Variants in LDB2 observed in about 807,000 individuals in gnomAD.
LDB2 encodes the protein LIM domain-binding protein 2.
A neutral mutation model predicts 44.3 loss-of-function variants in LDB2; 12 were observed. That is an observed-to-expected ratio of 0.27 (90% CI 0.17 to 0.44). LDB2 has a LOEUF of 0.44. Among genes scored for constraint, LDB2 ranks in the 20% least tolerant of loss-of-function variants. The pLI is 1.00. For missense variants in LDB2, 344 were observed against 473.5 expected, an observed-to-expected ratio of 0.73 and a Z score of 2.54; for synonymous variants, 164 against 174.8, an observed-to-expected ratio of 0.94 and a Z score of 0.49.
At chr4:16,847,501 C>G (rs751933847) in intron 1 of LDB2, among the ~76,000 whole-genome samples, 39 of 152,278 alleles carry the variant, frequency 2.6e-4, no homozygotes, top group Non-Finnish European at 4.7e-4. Flanking sequence ...TAAAAAATAA[C>G]AATCGTTAGA....
intron 2 of LDB2, among the ~76,000 whole-genome samples, chr4:16,651,722 A>G (rs1367850879): frequency 3.3e-5 from 5 of 152,072 alleles, no homozygotes; most frequent in African/African-American, 1.2e-4. Flanking sequence ...TTTCCTTCCC[A>G]TGACTAGGTC....
chr4:16,592,086 A>T (rs993638294), intron 3 of LDB2, among the ~76,000 whole-genome samples: 1 of 152,140 alleles, frequency 6.6e-6, no homozygotes, highest in African/African-American at 2.4e-5. Context: ...CCCAGTACAG[A>T]TGGTCTCCGG....
intron 5 of LDB2, among the ~76,000 whole-genome samples, chr4:16,580,559 T>G (rs1424492111): frequency 6.6e-6 from 1 of 152,194 alleles, no homozygotes; most frequent in African/African-American, 2.4e-5. Flanking sequence ...CTCCATCCTT[T>G]TTGTGACTAA....
chr4:16,625,117 G>C (rs1489179615), intron 2 of LDB2, among the ~76,000 whole-genome samples: 2 of 152,148 alleles, frequency 1.3e-5, no homozygotes, highest in East Asian at 3.9e-4. Flanking sequence ...CTAGTCCCCT[G>C]CATCCTCATG....
intron 6 of LDB2, among the ~76,000 whole-genome samples, chr4:16,509,424 G>GAAAC (rs1720836087): frequency 6.6e-6 from 1 of 152,136 alleles, no homozygotes; most frequent in Non-Finnish European, 1.5e-5. Context: ...GGCCTATTCA[G>GAAAC]AAACAGAGAA....
At chr4:16,609,007 A>G (rs1724798712) in intron 2 of LDB2, among the ~76,000 whole-genome samples, 1 of 152,016 alleles carries the variant, frequency 6.6e-6, no homozygotes, top group African/African-American at 2.4e-5. Context: ...CATAGAAAAA[A>G]CCGTAATAAG....
At chr4:16,821,406 C>G (rs1354994574) in intron 1 of LDB2, among the ~76,000 whole-genome samples, 4 of 143,204 alleles carry the variant, frequency 2.8e-5, no homozygotes, top group Non-Finnish European at 6.0e-5. Flanking sequence ...TTTTTGGAGA[C>G]GGAGTCTCGC....
intron 2 of LDB2, among the ~76,000 whole-genome samples, chr4:16,643,799 CAAAT>C (rs1327599089): frequency 1.3e-5 from 2 of 151,924 alleles, no homozygotes; most frequent in Non-Finnish European, 2.9e-5. Context: ...ATGCATCTCA[CAAAT>C]AAAGTGTCAC....
chr4:16,686,519 T>C (rs1035104851), intron 2 of LDB2, among the ~76,000 whole-genome samples: 1 of 152,192 alleles, frequency 6.6e-6, no homozygotes, highest in African/African-American at 2.4e-5. Context: ...ATAAGAATCT[T>C]TGGGCAGAAA....
At chr4:16,708,659 A>G (rs1208508577) in intron 2 of LDB2, among the ~76,000 whole-genome samples, 1 of 152,210 alleles carries the variant, frequency 6.6e-6, no homozygotes, top group Non-Finnish European at 1.5e-5. Context: ...CCAGGTAGAC[A>G]TGATTCCTTC....
intron 1 of LDB2, among the ~76,000 whole-genome samples, chr4:16,842,243 G>T (rs952450016): frequency 4.6e-5 from 7 of 152,134 alleles, no homozygotes; most frequent in African/African-American, 1.7e-4. Flanking sequence ...CCTCCGAAGT[G>T]CAAATTACAG....
At chr4:16,772,399 C>A (rs1420013161) in intron 1 of LDB2, among the ~76,000 whole-genome samples, 1 of 152,110 alleles carries the variant, frequency 6.6e-6, no homozygotes, top group Non-Finnish European at 1.5e-5. Flanking sequence ...ATGTGTTAGA[C>A]AAACTACCAA....
At position 16,644,219 on chromosome 4, in the gene LDB2, T is replaced by A. The variant is rs560773149; in HGVS notation, c.236-48344A>T. Among the ~76,000 whole-genome samples, 6 of 152,232 alleles carry A rather than the reference T, an allele frequency of 3.9e-5. No homozygotes were observed. In the East Asian group the frequency reaches 9.7e-4, roughly 25 times the overall value. Reference sequence around the variant, plus strand: ...TGCTGCCACTTTGGTAAATTCTGGTTTTGACAGAATATTTTTGAATACAGA... The same window carrying A: ...TGCTGCCACTTTGGTAAATTCTGGTATTGACAGAATATTTTTGAATACAGA... On this transcript the variant is annotated intron_variant, in intron 2 of 7. Transcript: ENST00000304523.
chr4:16,535,325 G>A (rs1404536837), intron 5 of LDB2, among the ~76,000 whole-genome samples: 1 of 152,110 alleles, frequency 6.6e-6, no homozygotes, highest in Admixed American at 6.5e-5. Flanking sequence ...TGCTGCCACT[G>A]TACCCTCCGT....
chr4:16,874,956 TGAAAA>T (rs916011437), intron 1 of LDB2, among the ~76,000 whole-genome samples: 22 of 152,228 alleles, frequency 1.4e-4, no homozygotes, highest in Non-Finnish European at 1.5e-4. Flanking sequence ...AAATTATATT[TGAAAA>T]GAAAAGGGGA....
intron 2 of LDB2, among the ~76,000 whole-genome samples, chr4:16,602,322 G>A (rs1236784870): frequency 6.6e-6 from 1 of 152,190 alleles, no homozygotes; most frequent in Non-Finnish European, 1.5e-5. Context: ...ACAAAGCCGT[G>A]CGAAGATCTG....
At chr4:16,770,292 T>G (rs897930461) in intron 1 of LDB2, among the ~76,000 whole-genome samples, 3 of 152,204 alleles carry the variant, frequency 2.0e-5, no homozygotes, top group Non-Finnish European at 2.9e-5. Flanking sequence ...TTTAATTATT[T>G]AAATCACTTA....
At chr4:16,722,211 T>A (rs753673586) in intron 2 of LDB2, among the ~76,000 whole-genome samples, 4 of 152,142 alleles carry the variant, frequency 2.6e-5, no homozygotes, top group Non-Finnish European at 4.4e-5. Context: ...ACTTTGCATT[T>A]TAGTTCAGAG....
chr4:16,525,798 T>C (rs1728016632), intron 5 of LDB2, among the ~76,000 whole-genome samples: 1 of 152,122 alleles, frequency 6.6e-6, no homozygotes, highest in Admixed American at 6.5e-5. Context: ...AAGAGGGATA[T>C]GAAATGTTGG....
Sources: gnomAD v4.1 joint callset for allele counts (sites outside exome capture counted in the v4.1 genomes callset) on GRCh38, gnomAD v4.1.1 for gene constraint, MANE v1.5 for transcripts, NCBI Gene and HGNC (gene_info 2026-07-23, HGNC 2026-07-21) for gene names.